The following PARD3B variants were observed in gnomAD, a reference collection of about 807,000 sequenced individuals.
PARD3B encodes par-3 family cell polarity regulator beta.
In PARD3B, 103 loss-of-function variants were observed where a neutral mutation model predicts 130.2. The ratio of observed to expected loss-of-function variants is 0.79; its 90% CI spans 0.67 to 0.93. PARD3B has a LOEUF of 0.93. PARD3B is among the 40% of genes least tolerant of loss of function. PARD3B has a pLI of 0.00. For synonymous variants in PARD3B, 583 were observed against 553.2 expected (o/e 1.05, Z -0.76); for missense variants, 1,609 against 1,499.2 (o/e 1.07, Z -1.21).
chr2:205,479,934 G>T (rs1289409032), intron 20 of PARD3B, among the ~76,000 whole-genome samples: 1 of 130,648 alleles, frequency 7.7e-6, no homozygotes. Flanking sequence ...ATGGAGTCTT[G>T]CTCTGTCACC....
At chr2:204,957,666 G>A (rs1037719397) in intron 2 of PARD3B, among the ~76,000 whole-genome samples, 1 of 152,048 alleles carries the variant, frequency 6.6e-6, no homozygotes, top group African/African-American at 2.4e-5. Flanking sequence ...GGAAGAGAAC[G>A]TACTTTGAAA....
At chr2:204,625,559 C>T (rs2034458917) in intron 1 of PARD3B, among the ~76,000 whole-genome samples, 1 of 152,152 alleles carries the variant, frequency 6.6e-6, no homozygotes, top group Admixed American at 6.6e-5. Context: ...CATTGGTACC[C>T]AGCTGATTTC....
At chr2:205,583,377 C>CTGTGTGTGTGTGTGTGTG (rs139162850) in intron 22 of PARD3B, among the ~76,000 whole-genome samples, 4 of 150,374 alleles carry the variant, frequency 2.7e-5, no homozygotes, top group South Asian at 2.1e-4. Flanking sequence ...CTCCTAAGCT[C>CTGTGTGTGTGTGTGTGTG]TGTGTGTGTG....
At position 205,054,453 on chromosome 2, in the gene PARD3B, T is replaced by TTG. The variant is rs1699501611; in HGVS notation, c.504+6764_504+6765insGT. Among the ~76,000 whole-genome samples the TTG allele has an allele frequency of 3.2e-5, 4 of 123,168 alleles. 1 individual carries two copies. The South Asian group carries it at 1.1e-3, about 35-fold the overall frequency. 80.8% of individuals were successfully genotyped at this position (123,168 alleles called of 152,430 possible). A position where few individuals can be genotyped will look rare whatever the true frequency, so the allele number is the denominator to read the frequency against. ...ATATATATATTTTTTTTTTTTTTTT[T>TTG]TTTTAATTATACTCTAAGTTTTAGG... On this transcript the variant is annotated intron_variant, in intron 4 of 22. Transcript: ENST00000406610.
chr2:205,272,947 T>C (rs2040789171), intron 16 of PARD3B, among the ~76,000 whole-genome samples: 1 of 152,196 alleles, frequency 6.6e-6, no homozygotes, highest in Non-Finnish European at 1.5e-5. Flanking sequence ...GAAAAACTAT[T>C]TGGCATAAAC....
Position 205,203,487 on chromosome 2 carries a change from A to T in PARD3B, c.2140+10167A>T, listed in dbSNP as rs113980945. The stretch of plus-strand genomic sequence containing the variant: ...TATTTTTTTACTATACTATACTGGG[A>T]TACATGTGGAGAACATGCAGGTTTG... On this transcript the variant is annotated intron_variant, in intron 15 of 22. Coordinates refer to ENST00000406610, the MANE Select transcript of PARD3B (RefSeq NM_001302769.2). Among the ~76,000 whole-genome samples, 1,156 of 150,622 alleles carry T rather than the reference A, an allele frequency of 7.7e-3. 17 individuals are homozygous for T. Among genetic ancestry groups the T allele is most frequent in the Middle Eastern group, 0.014 (4 of 286 alleles).
Position 205,351,449 on chromosome 2 carries a change from T to C in PARD3B, c.2631-49564T>C, listed in dbSNP as rs1215178580. Among the ~76,000 whole-genome samples the C allele has an allele frequency of 6.6e-6, 1 of 152,150 alleles. No homozygotes were observed. Among genetic ancestry groups the C allele is most frequent in the East Asian group, 1.9e-4 (1 of 5,182 alleles). On this transcript the variant is annotated intron_variant, in intron 18 of 22. Coordinates refer to ENST00000406610, the MANE Select transcript of PARD3B (RefSeq NM_001302769.2). This position sits in a 1 kb window ranked among gnomAD's most constrained non-coding sequence, Gnocchi z 4.2. ...GAAAGGTTGCCCTCAAGCTAGGTGC[T>C]GGAGGGATTTTGCCAACTGCACCTG...
chr2:205,055,451 T>C (rs1299292413), intron 4 of PARD3B, among the ~76,000 whole-genome samples: 1 of 152,200 alleles, frequency 6.6e-6, no homozygotes, highest in East Asian at 1.9e-4. Context: ...ACTTTCACAA[T>C]ATGGGCAGAT....
intron 2 of PARD3B, among the ~76,000 whole-genome samples, chr2:204,958,148 T>C (rs1690430131): frequency 6.6e-6 from 1 of 152,218 alleles, no homozygotes; most frequent in African/African-American, 2.4e-5. Flanking sequence ...GATTTTACTC[T>C]GTAGCATTTG....
intron 3 of PARD3B, among the ~76,000 whole-genome samples, chr2:204,982,240 C>G (rs1575474508): frequency 6.6e-6 from 1 of 152,290 alleles, no homozygotes; most frequent in East Asian, 1.9e-4. Context: ...CTTGAAACCA[C>G]TGTAATTATA....
chr2:204,618,580 C>A (rs1445806457), intron 1 of PARD3B, among the ~76,000 whole-genome samples: 1 of 152,108 alleles, frequency 6.6e-6, no homozygotes, highest in Non-Finnish European at 1.5e-5. Flanking sequence ...CATTTCTTTG[C>A]ATTATGAAGT....
chr2:204,581,451 A>G (rs1281675495), intron 1 of PARD3B, among the ~76,000 whole-genome samples: 3 of 151,838 alleles, frequency 2.0e-5, no homozygotes, highest in African/African-American at 4.8e-5. Context: ...GAATGGTTAT[A>G]TGGATTTTTT....
chr2:204,781,311 G>A (rs967327994), intron 2 of PARD3B, among the ~76,000 whole-genome samples: 1 of 151,952 alleles, frequency 6.6e-6, no homozygotes, highest in Non-Finnish European at 1.5e-5. Flanking sequence ...GATAATATAA[G>A]CAAAGTATCA....
chr2:205,161,310 C>G (rs921310982), intron 11 of PARD3B, among the ~76,000 whole-genome samples: 1 of 152,112 alleles, frequency 6.6e-6, no homozygotes, highest in African/African-American at 2.4e-5. Flanking sequence ...ATGTAAATTT[C>G]TTTCCTGACA....
At chr2:204,960,125 T>C (rs1189397554) in intron 2 of PARD3B, among the ~76,000 whole-genome samples, 1 of 152,246 alleles carries the variant, frequency 6.6e-6, no homozygotes, top group African/African-American at 2.4e-5. Flanking sequence ...GCTTATGACG[T>C]GCCTCTTCAG....
intron 2 of PARD3B, among the ~76,000 whole-genome samples, chr2:204,737,801 G>C (rs570047460): frequency 6.6e-6 from 1 of 152,116 alleles, no homozygotes; most frequent in East Asian, 1.9e-4. Flanking sequence ...TGGTTTGCCG[G>C]TTTTCCCATT....
Position 205,615,958 on chromosome 2 carries a change from G to A in PARD3B, c.*145G>A. ...CTCACTGACATTGTAACGCATGACT[G>A]CTAATCAGAGAGAAAAAGAAGGGGA... On this transcript the variant is annotated 3_prime_UTR_variant, in exon 23 of 23. Transcript: ENST00000406610. 1.4e-6 allele frequency: 1 copy of A among 692,054 alleles called. No homozygotes were observed. Among genetic ancestry groups the A allele is most frequent in the East Asian group, 2.8e-5 (1 of 35,946 alleles). The allele number at this position is 692,054 out of a possible 1,614,324, so 42.9% of individuals were successfully genotyped here. A position where few individuals can be genotyped will look rare whatever the true frequency, so the allele number is the denominator to read the frequency against.
At chr2:205,224,370 C>CAAAAAAA (rs1231030778) in intron 15 of PARD3B, among the ~76,000 whole-genome samples, 9,794 of 55,786 alleles carry the variant, frequency 0.18, 2,613 homozygotes, top group East Asian at 0.35. Flanking sequence ...GACTCCGTCT[C>CAAAAAAA]AAAAAAAAAA....
In PARD3B at chr2:205,078,033, CTTAATAA is replaced by C. The variant is rs1701183185; in HGVS notation, c.505-26388_505-26382del. Among the ~76,000 whole-genome samples, 2 of 152,106 alleles carry C rather than the reference CTTAATAA, an allele frequency of 1.3e-5. No individual in the cohort carries two copies. Among genetic ancestry groups the C allele is most frequent in the Admixed American group, 6.5e-5 (1 of 15,272 alleles). ...TAAAATGCTGCCCTTTGGTTTTTGA[CTTAATAA>C]TTAAGAATGACTTCATTGTGATTTT... On this transcript the variant is annotated intron_variant, in intron 4 of 22. Transcript: ENST00000406610. This position sits in a 1 kb window ranked among gnomAD's most constrained non-coding sequence, Gnocchi z 4.0.
Sources: gnomAD v4.1 joint callset for allele counts (sites outside exome capture counted in the v4.1 genomes callset) on GRCh38, gnomAD v4.1.1 for gene constraint, Gnocchi (gnomAD v3.1) non-coding constraint, MANE v1.5 for transcripts, NCBI Gene and HGNC (gene_info 2026-07-23, HGNC 2026-07-21) for gene names.